The following SUMF1 variants were observed in gnomAD, a reference collection of about 807,000 sequenced individuals.
SUMF1 encodes the protein sulfatase modifying factor 1.
SUMF1 carries 48 observed loss-of-function variants against 47.6 expected under a neutral mutation model. That is an observed-to-expected ratio of 1.01 (90% confidence interval 0.80 to 1.28). The LOEUF (loss-of-function observed/expected upper bound fraction) is 1.28, where lower values mean the gene tolerates loss of function less well. Among genes scored for constraint, SUMF1 ranks in the 50% most tolerant of loss-of-function variants. The pLI is 0.00. For synonymous variants in SUMF1, 230 were observed against 192.1 expected (o/e 1.20, Z -1.63); for missense variants, 571 against 485.4 (o/e 1.18, Z -1.66).
chr3:4,270,407 C>T (rs1327787639), intron 8 of SUMF1, among the ~76,000 whole-genome samples: 1 of 151,866 alleles, frequency 6.6e-6, no homozygotes, highest in Non-Finnish European at 1.5e-5. Flanking sequence ...CTCTCTCTCT[C>T]TTTCTCTCTC....
intron 8 of SUMF1, among the ~76,000 whole-genome samples, chr3:4,110,781 G>A (rs1034096405): frequency 2.1e-5 from 3 of 145,210 alleles, no homozygotes; most frequent in Middle Eastern, 3.4e-3. Flanking sequence ...CTCATAGGTG[G>A]GAATTGAACA....
At chr3:4,144,757 C>A (rs546212643) in intron 8 of SUMF1, among the ~76,000 whole-genome samples, 1 of 152,024 alleles carries the variant, frequency 6.6e-6, no homozygotes, top group Admixed American at 6.6e-5. Flanking sequence ...TTAGGTTTCA[C>A]GTAATTTCAG....
intron 8 of SUMF1, among the ~76,000 whole-genome samples, chr3:4,262,238 A>G (rs547465223): frequency 9.4e-4 from 143 of 152,146 alleles, no homozygotes; most frequent in Non-Finnish European, 1.5e-3. Flanking sequence ...GCTCAGCACA[A>G]CCTCCGAAGT....
intron 8 of SUMF1, among the ~76,000 whole-genome samples, chr3:4,285,474 C>A (rs977905980): frequency 6.6e-6 from 1 of 152,084 alleles, no homozygotes; most frequent in Admixed American, 6.5e-5. Flanking sequence ...ATGTATGATT[C>A]TTATAAGGAA....
chr3:4,394,191 A>G (rs1237726812), intron 7 of SUMF1, among the ~76,000 whole-genome samples: 1 of 151,940 alleles, frequency 6.6e-6, no homozygotes, highest in African/African-American at 2.4e-5. Context: ...GTGTTTTGAG[A>G]CAGGGTCTTA....
At chr3:4,314,070 GC>G in intron 8 of SUMF1, 1 of 479,306 alleles carries the variant, frequency 2.1e-6, no homozygotes, top group Non-Finnish European at 3.7e-6. Context: ...CTTCCTGCTG[GC>G]TGGAATGTAT....
intron 8 of SUMF1, among the ~76,000 whole-genome samples, chr3:4,111,218 G>T (rs1693298692): frequency 1.3e-5 from 2 of 151,716 alleles, no homozygotes; most frequent in South Asian, 4.2e-4. Context: ...GGAAAATTTG[G>T]CCCTCCATAT....
In SUMF1 at chr3:4,313,288, C is replaced by A. The variant is rs755465782; in HGVS notation, c.1014+63042G>T. The stretch of plus-strand genomic sequence containing the variant: ...ATTCTCTGAAGTTCAGAGAAGAATT[C>A]ACTTACAAACAAAATCCGACTCCAA... On this transcript the variant is annotated intron_variant and NMD_transcript_variant, in intron 8 of 12. Coordinates refer to the SUMF1 transcript ENST00000448413. 31 of 1,613,720 alleles carry A rather than the reference C, an allele frequency of 1.9e-5. No individual in the cohort carries two copies. The Admixed American group carries it at 5.2e-4, about 27-fold the overall frequency.
chr3:4,162,014 C>A (rs890930693), intron 8 of SUMF1, among the ~76,000 whole-genome samples: 1 of 152,118 alleles, frequency 6.6e-6, no homozygotes, highest in Non-Finnish European at 1.5e-5. Flanking sequence ...GCTCTTTAGT[C>A]AGCAGGTGAT....
At chr3:4,082,792 G>C (rs1415321830) in intron 8 of SUMF1, among the ~76,000 whole-genome samples, 1 of 152,084 alleles carries the variant, frequency 6.6e-6, no homozygotes, top group Non-Finnish European at 1.5e-5. Context: ...GAGAGAATGG[G>C]TATGATTTCA....
chr3:4,124,073 G>A (rs1210224793), intron 8 of SUMF1, among the ~76,000 whole-genome samples: 4 of 152,210 alleles, frequency 2.6e-5, no homozygotes, highest in African/African-American at 7.2e-5. Flanking sequence ...AAAACAAGAG[G>A]TTGTGAATAA....
intron 1 of SUMF1, among the ~76,000 whole-genome samples, chr3:4,461,627 GT>G (rs900322043): frequency 7.4e-4 from 109 of 146,310 alleles, no homozygotes; most frequent in African/African-American, 1.9e-3. Flanking sequence ...TTCCGGCCGA[GT>G]TTTTTTTTTT....
At chr3:4,151,428 C>T (rs11716422) in intron 8 of SUMF1, among the ~76,000 whole-genome samples, 98,204 of 143,690 alleles carry the variant, frequency 0.68, 33,878 homozygotes, top group African/African-American at 0.74. Flanking sequence ...TATGTGTATA[C>T]ATGTGTATAT....
At chr3:4,108,752 C>T (rs1453417947) in intron 8 of SUMF1, among the ~76,000 whole-genome samples, 2 of 152,012 alleles carry the variant, frequency 1.3e-5, no homozygotes, top group Non-Finnish European at 2.9e-5. Flanking sequence ...CAACCCCTGC[C>T]TTTTTTCTGT....
intron 8 of SUMF1, among the ~76,000 whole-genome samples, chr3:4,249,703 G>C (rs375187015): frequency 6.6e-6 from 1 of 152,154 alleles, no homozygotes; most frequent in Non-Finnish European, 1.5e-5. Flanking sequence ...GTAAAAACAC[G>C]TCTCTCACTT....
At chr3:4,041,191 G>A (rs1444459605) in intron 9 of SUMF1, among the ~76,000 whole-genome samples, 1 of 152,156 alleles carries the variant, frequency 6.6e-6, no homozygotes, top group Non-Finnish European at 1.5e-5. Context: ...TCCTGCCTCA[G>A]CCTCTGAGTA....
At chr3:4,457,781 A>G (rs368191420) in intron 1 of SUMF1, among the ~76,000 whole-genome samples, 9 of 152,236 alleles carry the variant, frequency 5.9e-5, no homozygotes, top group East Asian at 5.8e-4. Context: ...CTGAAACTGT[A>G]AAACTACTAG....
intron 8 of SUMF1, among the ~76,000 whole-genome samples, chr3:4,272,530 G>C (rs1433530582): frequency 6.6e-6 from 1 of 152,134 alleles, no homozygotes; most frequent in African/African-American, 2.4e-5. Flanking sequence ...CTGACACAAG[G>C]AAACTATCAG....
At chr3:4,248,740 C>T (rs978828734) in intron 8 of SUMF1, among the ~76,000 whole-genome samples, 3 of 152,120 alleles carry the variant, frequency 2.0e-5, no homozygotes, top group African/African-American at 7.2e-5. Flanking sequence ...AATCTAGCAA[C>T]ATGGGGTGGC....
Sources: allele counts gnomAD v4.1 joint callset (sites outside exome capture counted in the v4.1 genomes callset), GRCh38; gene constraint gnomAD v4.1.1; transcripts MANE v1.5; gene names NCBI Gene and HGNC (gene_info 2026-07-23, HGNC 2026-07-21).